The following ATP11A variants were observed in gnomAD, a reference collection of about 807,000 sequenced individuals.
ATP11A encodes the protein phospholipid-transporting ATPase IH.
ATP11A carries 81 observed loss-of-function variants against 154.4 expected under a neutral mutation model. The observed-to-expected ratio is 0.52, with a 90% confidence interval of 0.44 to 0.63. The LOEUF is 0.63. Among genes scored for constraint, ATP11A ranks in the 30% least tolerant of loss-of-function variants. The pLI, the probability that ATP11A is intolerant of heterozygous loss-of-function variation, is 0.00. For synonymous variants in ATP11A, 623 were observed against 585.9 expected, an observed-to-expected ratio of 1.06 and a Z score of -0.91; for missense variants, 1,316 against 1,474.3, an observed-to-expected ratio of 0.89 and a Z score of 1.76.
At chr13:112,718,658 C>G (rs1237026023) in intron 1 of ATP11A, among the ~76,000 whole-genome samples, 1 of 142,690 alleles carries the variant, frequency 7.0e-6, no homozygotes, top group Non-Finnish European at 1.5e-5. Flanking sequence ...CCAGGGTGGG[C>G]TTGCAGGCTG....
chr13:112,731,937 C>CGGGGGGGGGGGG (rs67335042), intron 1 of ATP11A, among the ~76,000 whole-genome samples: 1 of 83,066 alleles, frequency 1.2e-5, no homozygotes, highest in African/African-American at 4.2e-5. Context: ...GAAATGGGGG[C>CGGGGGGGGGGGG]GGGGGGGGGC....
intron 1 of ATP11A, among the ~76,000 whole-genome samples, chr13:112,770,438 G>A (rs1009943289): frequency 1.4e-4 from 22 of 152,200 alleles, no homozygotes; most frequent in Admixed American, 7.9e-4. Flanking sequence ...AAATCCAGTC[G>A]TTACCATGAG....
intron 17 of ATP11A, among the ~76,000 whole-genome samples, chr13:112,843,681 G>A (rs569894496): frequency 2.0e-5 from 3 of 152,212 alleles, no homozygotes; most frequent in East Asian, 1.9e-4. Flanking sequence ...GTTTGTCCTC[G>A]CTGTCAGTCG....
chr13:112,823,725 A>T (rs2078860255), intron 9 of ATP11A, among the ~76,000 whole-genome samples: 1 of 152,194 alleles, frequency 6.6e-6, no homozygotes, highest in Non-Finnish European at 1.5e-5. Flanking sequence ...CTTGACTAGG[A>T]TCTCCCATTT....
chr13:112,732,285 G>A (rs1299012005), intron 1 of ATP11A, among the ~76,000 whole-genome samples: 1 of 152,186 alleles, frequency 6.6e-6, no homozygotes, highest in Non-Finnish European at 1.5e-5. Context: ...AGAATAGAAT[G>A]AAAACTTGGC....
chr13:112,780,852 C>T (rs565284147), intron 1 of ATP11A, among the ~76,000 whole-genome samples: 93 of 152,150 alleles, frequency 6.1e-4, no homozygotes, highest in African/African-American at 2.2e-3. Context: ...AGCCTCTGGC[C>T]GTGGGTGGGT....
At chr13:112,854,176 CT>C in intron 18 of ATP11A, 102 bp from the exon 19 acceptor site, 1 of 1,464,164 alleles carries the variant, frequency 6.8e-7, no homozygotes, top group South Asian at 1.3e-5. Context: ...TTTTGAGGGG[CT>C]ACGATATTTT....
intron 17 of ATP11A, among the ~76,000 whole-genome samples, chr13:112,846,755 G>T (rs904898377): frequency 1.3e-5 from 2 of 152,210 alleles, no homozygotes; most frequent in African/African-American, 4.8e-5. Flanking sequence ...GGTCCTCCTG[G>T]AGATCTTAAA....
chr13:112,702,217 G>A (rs1886634154), intron 1 of ATP11A, among the ~76,000 whole-genome samples: 1 of 151,760 alleles, frequency 6.6e-6, no homozygotes. Flanking sequence ...ATCGTGGCGG[G>A]CACCTGTAAT....
At chr13:112,879,202 T>C (rs1284156939) in intron 29 of ATP11A, among the ~76,000 whole-genome samples, 1 of 152,242 alleles carries the variant, frequency 6.6e-6, no homozygotes, top group Non-Finnish European at 1.5e-5. Context: ...TTTTACCAAA[T>C]GCAGCTTAGA....
intron 1 of ATP11A, among the ~76,000 whole-genome samples, chr13:112,727,831 G>A (rs1021196223): frequency 3.3e-5 from 5 of 152,246 alleles, no homozygotes; most frequent in Non-Finnish European, 2.9e-5. Flanking sequence ...CGGGGACTCC[G>A]GCGCTGGGCG....
rs989744518 is a variant in ATP11A, at chr13:112,722,010, C to T, written c.39+31555C>T. On this transcript the variant is annotated intron_variant, in intron 1 of 29. Coordinates refer to ENST00000375645, the MANE Select transcript of ATP11A (RefSeq NM_015205.3). ...ACTTAAATATCCTGGGGCCACATAACCCTGCAATCTGAAGGACGCTACAGT... is the reference window on the plus strand; with the variant it reads ...ACTTAAATATCCTGGGGCCACATAATCCTGCAATCTGAAGGACGCTACAGT... Among the ~76,000 whole-genome samples, 102 of 152,116 alleles carry T rather than the reference C, an allele frequency of 6.7e-4. 1 individual carries two copies. The highest frequency in any genetic ancestry group is 2.2e-3 in the Admixed American group (34 of 15,280).
chr13:112,721,008 A>T (rs1889111302), intron 1 of ATP11A, among the ~76,000 whole-genome samples: 1 of 152,118 alleles, frequency 6.6e-6, no homozygotes, highest in Non-Finnish European at 1.5e-5. Flanking sequence ...TGGCTCTTGA[A>T]GTCAGAAGGT....
intron 1 of ATP11A, among the ~76,000 whole-genome samples, chr13:112,751,609 G>A (rs953017380): frequency 6.6e-6 from 1 of 152,012 alleles, no homozygotes; most frequent in East Asian, 1.9e-4. Flanking sequence ...GCAGTGAGCC[G>A]AGATCGCACC....
chr13:112,791,981 G>A (rs2077872280), intron 2 of ATP11A, among the ~76,000 whole-genome samples: 1 of 152,172 alleles, frequency 6.6e-6, no homozygotes, highest in Admixed American at 6.5e-5. Flanking sequence ...GGTGTGGCGG[G>A]GCCAGGAGAG....
chr13:112,873,494 C>T lies in ATP11A; in HGVS notation c.3058-79C>T, dbSNP rs116251081. On this transcript the variant is annotated intron_variant, in intron 26 of 29. Transcript: ENST00000375645. ...TTTGGTTTAGTTTCTCGTCACCCCCCGGCTCTCTGTCCTGCCCATCACGAT... is the reference window on the plus strand; with the variant it reads ...TTTGGTTTAGTTTCTCGTCACCCCCTGGCTCTCTGTCCTGCCCATCACGAT... The T allele has an allele frequency of 2.3e-4, 256 of 1,105,408 alleles. No homozygotes were observed. In the African/African-American group the frequency reaches 2.8e-3, roughly 12 times the overall value. The allele number at this position is 1,105,408 out of a possible 1,614,324, so 68.5% of individuals were successfully genotyped here.
At chr13:112,876,404 C>T (rs536150963) in intron 28 of ATP11A, among the ~76,000 whole-genome samples, 180 of 152,048 alleles carry the variant, frequency 1.2e-3, no homozygotes, top group Non-Finnish European at 2.1e-3. Flanking sequence ...GAAGACGTGA[C>T]GATGCCGAGT....
intron 1 of ATP11A, among the ~76,000 whole-genome samples, chr13:112,731,915 C>T (rs963200983): frequency 7.9e-6 from 1 of 126,472 alleles, no homozygotes; most frequent in East Asian, 2.1e-4. Context: ...GGTAAACCTA[C>T]TAGATGGTGG....
rs904791395 is a variant in ATP11A, at chr13:112,775,551, C to T, written c.40-9584C>T. Among the ~76,000 whole-genome samples the T allele has an allele frequency of 4.6e-5, 7 of 152,012 alleles. No individual in the cohort carries two copies. In the East Asian group the frequency reaches 7.7e-4, roughly 17 times the overall value. The stretch of plus-strand genomic sequence containing the variant: ...GCCAGAGTTTTTAAAAAGAAGGAGG[C>T]GAATACTTTCAAATGACTTATATAA... On this transcript the variant is annotated intron_variant, in intron 1 of 29. Coordinates refer to ENST00000375645, the MANE Select transcript of ATP11A (RefSeq NM_015205.3).
Sources: allele counts gnomAD v4.1 joint callset (sites outside exome capture counted in the v4.1 genomes callset), GRCh38; gene constraint gnomAD v4.1.1; transcripts MANE v1.5; gene names NCBI Gene and HGNC (gene_info 2026-07-23, HGNC 2026-07-21).